The following PRKDC variants were observed in gnomAD, a reference collection of about 807,000 sequenced individuals.
PRKDC encodes the protein DNA-dependent protein kinase catalytic subunit.
In PRKDC, 82 loss-of-function variants were observed where a neutral mutation model predicts 486.9. The observed-to-expected ratio is 0.17, with a 90% CI of 0.14 to 0.20. PRKDC has a LOEUF of 0.20. Among genes scored for constraint, PRKDC ranks in the 10% least tolerant of loss-of-function variants. The probability of loss-of-function intolerance (pLI) is 1.00; values close to 1 mark genes in which losing one functional copy is unlikely to be tolerated. For synonymous variants in PRKDC, 1,895 were observed against 1,837.0 expected, an observed-to-expected ratio of 1.03 and a Z score of -0.81; for missense variants, 4,504 against 5,038.2, an observed-to-expected ratio of 0.89 and a Z score of 3.21.
chr8:47,936,963 A>G (rs1376580704), intron 11 of PRKDC, among the ~76,000 whole-genome samples: 2 of 150,918 alleles, frequency 1.3e-5, no homozygotes, highest in African/African-American at 2.4e-5. Context: ...GATATAAAAT[A>G]CAGTATCTGG....
chr8:47,794,554 T>G (rs1203156455), intron 73 of PRKDC, 53 bp from the exon 74 acceptor site: 1 of 1,398,722 alleles, frequency 7.1e-7, no homozygotes, highest in East Asian at 2.3e-5. Context: ...ACATCATCTG[T>G]TATAAAAGTA....
chr8:47,837,685 A>C (rs1328107230), intron 56 of PRKDC, among the ~76,000 whole-genome samples: 1 of 152,078 alleles, frequency 6.6e-6, no homozygotes, highest in Admixed American at 6.6e-5. Context: ...TCTTATCTCT[A>C]TTCTCTGGGA....
At chr8:47,878,207 G>A (rs1213781433) in intron 39 of PRKDC, among the ~76,000 whole-genome samples, 1 of 148,698 alleles carries the variant, frequency 6.7e-6, no homozygotes, top group African/African-American at 2.5e-5. Context: ...CAGGTTTCAC[G>A]CCATTATCCT....
chr8:47,845,104 C>A lies in PRKDC; in HGVS notation c.7280+4050G>T, dbSNP rs566546904. ...TGGTGGTGTGCACCTCTAGTCCCAG[C>A]TACTCAGGAAAGAGGCTGAGGCAAA... On this transcript the variant is annotated intron_variant, in intron 54 of 85. Coordinates refer to ENST00000314191, the MANE Select transcript of PRKDC (RefSeq NM_006904.7). 1.6e-4 allele frequency among the ~76,000 whole-genome samples: 24 copies of A among 152,196 alleles called. No individual in the cohort carries two copies. In the South Asian group the frequency reaches 1.9e-3, roughly 12 times the overall value.
intron 49 of PRKDC, among the ~76,000 whole-genome samples, chr8:47,856,667 T>C (rs1314095319): frequency 6.6e-6 from 1 of 152,220 alleles, no homozygotes; most frequent in East Asian, 1.9e-4. Context: ...CACTGGTGGG[T>C]ACTGCATTTG....
chr8:47,851,266 C>A (rs1425864444), intron 52 of PRKDC, among the ~76,000 whole-genome samples: 1 of 152,154 alleles, frequency 6.6e-6, no homozygotes, highest in Admixed American at 6.5e-5. Context: ...TCTGCTGTAA[C>A]CTGCTCCATT....
At chr8:47,920,159 T>A (rs1050581311) in intron 21 of PRKDC, among the ~76,000 whole-genome samples, 1 of 152,158 alleles carries the variant, frequency 6.6e-6, no homozygotes, top group Non-Finnish European at 1.5e-5. Context: ...AATATGTGGG[T>A]AAATCTCTGT....
Position 47,943,724 on chromosome 8 carries a change from T to G in PRKDC, c.808+129A>C, listed in dbSNP as rs530450370. The G allele has an allele frequency of 3.5e-6, 3 of 865,758 alleles. No individual in the cohort carries two copies. In the African/African-American group the frequency reaches 5.1e-5, roughly 15 times the overall value. The allele number at this position is 865,758 out of a possible 1,614,324, so 53.6% of individuals were successfully genotyped here. ...TACTAAGTCACCGAAAGCCTCCCTG[T>G]AAATAACTGTGTGTGAAACATCACA... On this transcript the variant is annotated intron_variant, in intron 9 of 85. Coordinates refer to ENST00000314191, the MANE Select transcript of PRKDC (RefSeq NM_006904.7).
At chr8:47,946,467 T>C (rs1280227238) in intron 7 of PRKDC, among the ~76,000 whole-genome samples, 1 of 152,120 alleles carries the variant, frequency 6.6e-6, no homozygotes, top group Non-Finnish European at 1.5e-5. Flanking sequence ...TTCTCCAATG[T>C]TCAATGGATG....
intron 17 of PRKDC, 28 bp downstream of exon 17, chr8:47,930,644 C>G (rs758176826): frequency 2.0e-6 from 3 of 1,521,206 alleles, no homozygotes; most frequent in Non-Finnish European, 2.7e-6. Context: ...CATTTTCATT[C>G]TTAAATAATT....
intron 61 of PRKDC, 99 bp downstream of exon 61, chr8:47,830,506 T>G: frequency 1.3e-6 from 2 of 1,494,012 alleles, no homozygotes; most frequent in Non-Finnish European, 1.8e-6. Flanking sequence ...CTCATCTATG[T>G]TGCAGGACAG....
intron 40 of PRKDC, among the ~76,000 whole-genome samples, chr8:47,869,238 C>T (rs2088889871): frequency 1.3e-5 from 2 of 151,732 alleles, no homozygotes; most frequent in Non-Finnish European, 2.9e-5. Flanking sequence ...CCAAGTAGTA[C>T]AGCTTGCAGT....
chr8:47,861,971 T>C, intron 44 of PRKDC, 91 bp downstream of exon 44: 2 of 1,061,228 alleles, frequency 1.9e-6, no homozygotes, highest in South Asian at 1.6e-5. Context: ...GAAAGCCGAC[T>C]TGAATATTGG....
In PRKDC at chr8:47,821,802, A is replaced by C. The variant is rs1362166359; in HGVS notation, c.8923-10T>G. The stretch of plus-strand genomic sequence containing the variant: ...CTTGTTTATTGAGAGCCTAGTGGAG[A>C]AAAGTTAATAAAATTATTTTACAAA... On this transcript the variant is annotated splice_polypyrimidine_tract_variant and intron_variant, in intron 64 of 85. Transcript: ENST00000314191. 3 of 1,524,004 alleles carry C rather than the reference A, an allele frequency of 2.0e-6. No individual in the cohort carries two copies. The highest frequency in any genetic ancestry group is 1.4e-5 in the African/African-American group (1 of 70,504). 94.4% of individuals were successfully genotyped at this position (1,524,004 alleles called of 1,614,324 possible).
intron 54 of PRKDC, among the ~76,000 whole-genome samples, chr8:47,845,338 A>G (rs1361792981): frequency 6.6e-6 from 1 of 152,250 alleles, no homozygotes; most frequent in African/African-American, 2.4e-5. Flanking sequence ...AAGATTCAAC[A>G]AAACCAAAAG....
At chr8:47,803,887 G>A (rs1264219265) in intron 69 of PRKDC, among the ~76,000 whole-genome samples, 2 of 149,884 alleles carry the variant, frequency 1.3e-5, no homozygotes, top group Non-Finnish European at 2.9e-5. Flanking sequence ...GGTTGAGGCT[G>A]CAGTGAGCTG....
chr8:47,773,868 G>A lies in PRKDC; in HGVS notation c.*305C>T, dbSNP rs1399603998. Reference sequence around the variant, plus strand: ...GAGACAGCTGTTTCACTAACTTGCAGCACTTGTAAATGCTTTGAAAGCTGA... The same window carrying A: ...GAGACAGCTGTTTCACTAACTTGCAACACTTGTAAATGCTTTGAAAGCTGA... On this transcript the variant is annotated 3_prime_UTR_variant, in exon 86 of 86. Coordinates refer to ENST00000314191, the MANE Select transcript of PRKDC (RefSeq NM_006904.7). 7.4e-6 allele frequency: 2 copies of A among 270,894 alleles called. No homozygotes were observed. Among genetic ancestry groups the A allele is most frequent in the Non-Finnish European group, 1.4e-5 (2 of 143,432 alleles). 16.8% of individuals were successfully genotyped at this position (270,894 alleles called of 1,614,324 possible).
chr8:47,876,693 C>A (rs1035952149), intron 40 of PRKDC, among the ~76,000 whole-genome samples: 2 of 151,968 alleles, frequency 1.3e-5, no homozygotes, highest in Non-Finnish European at 2.9e-5. Flanking sequence ...TCAGATATGT[C>A]CTATCCTTCC....
chr8:47,826,866 G>A lies in PRKDC; in HGVS notation c.8578-5C>T, dbSNP rs996718076. ...TGCGTGCTGACAGCTAATGTCCTGT[G>A]AAACCACACATACAACCAGCTGTTT... On this transcript the variant is annotated splice_region_variant and splice_polypyrimidine_tract_variant and intron_variant, in intron 62 of 85. Coordinates refer to ENST00000314191, the MANE Select transcript of PRKDC (RefSeq NM_006904.7). 1 of 1,567,750 alleles carries A rather than the reference G, an allele frequency of 6.4e-7. No individual in the cohort carries two copies. The highest frequency in any genetic ancestry group is 8.7e-7 in the Non-Finnish European group (1 of 1,151,344).
Sources: allele counts gnomAD v4.1 joint callset (sites outside exome capture counted in the v4.1 genomes callset), GRCh38; gene constraint gnomAD v4.1.1; transcripts MANE v1.5; gene names NCBI Gene and HGNC (gene_info 2026-07-23, HGNC 2026-07-21).